The following CREB5 variants were observed in gnomAD, a reference collection of about 807,000 sequenced individuals.
CREB5 encodes the protein cyclic AMP-responsive element-binding protein 5.
A neutral mutation model predicts 57.1 loss-of-function variants in CREB5; 19 were observed. The ratio of observed to expected loss-of-function variants is 0.33; its 90% CI spans 0.23 to 0.49. The LOEUF (loss-of-function observed/expected upper bound fraction) is 0.49, where lower values mean the gene tolerates loss of function less well. Ranked by LOEUF, CREB5 falls within the 20% of genes least tolerant of loss-of-function variation. The probability of loss-of-function intolerance (pLI) is 0.99; values close to 1 mark genes in which losing one functional copy is unlikely to be tolerated. For missense variants in CREB5, 579 were observed against 671.6 expected (o/e 0.86, Z 1.52); for synonymous variants, 238 against 238.3 (o/e 1.00, Z 0.01).
chr7:28,802,078 G>GGAAAAA (rs1554301239), intron 7 of CREB5, among the ~76,000 whole-genome samples: 9 of 26,650 alleles, frequency 3.4e-4, no homozygotes, highest in South Asian at 3.0e-3. Context: ...GACTCCATCT[G>GGAAAAA]AAAAAAAAAA....
intron 5 of CREB5, among the ~76,000 whole-genome samples, chr7:28,682,689 G>GC (rs909914313): frequency 4.0e-5 from 6 of 148,694 alleles, no homozygotes; most frequent in African/African-American, 1.5e-4. Flanking sequence ...AAGTGGGGGG[G>GC]GGGGGAAACC....
chr7:28,582,224 T>C (rs1423806134), intron 5 of CREB5, among the ~76,000 whole-genome samples: 1 of 151,514 alleles, frequency 6.6e-6, no homozygotes, highest in Non-Finnish European at 1.5e-5. Flanking sequence ...TAAAATTTCA[T>C]GGGAGTATAG....
At chr7:28,443,796 A>C (rs539315341) in intron 1 of CREB5, among the ~76,000 whole-genome samples, 1 of 152,120 alleles carries the variant, frequency 6.6e-6, no homozygotes, top group Non-Finnish European at 1.5e-5. Flanking sequence ...TTCACTTACG[A>C]TGATGATGAC....
chr7:28,501,836 A>G (rs1426158289), intron 3 of CREB5, among the ~76,000 whole-genome samples: 1 of 152,152 alleles, frequency 6.6e-6, no homozygotes, highest in African/African-American at 2.4e-5. Flanking sequence ...TTACTTTAAA[A>G]CTATGTCTTT....
intron 5 of CREB5, among the ~76,000 whole-genome samples, chr7:28,713,598 G>A (rs2128744288): frequency 6.6e-6 from 1 of 152,354 alleles, no homozygotes; most frequent in African/African-American, 2.4e-5. Context: ...TGTGCCAGAT[G>A]CTGGGTTAAG....
chr7:28,708,939 A>G (rs183032536), intron 5 of CREB5, among the ~76,000 whole-genome samples: 1 of 152,346 alleles, frequency 6.6e-6, no homozygotes, highest in Admixed American at 6.5e-5. Flanking sequence ...GTAAATGACA[A>G]GACTCATAAT....
chr7:28,613,454 A>G lies in CREB5; in HGVS notation c.464+42917A>G, dbSNP rs144005124. Among the ~76,000 whole-genome samples, 48 of 152,324 alleles carry G rather than the reference A, an allele frequency of 3.2e-4. No individual in the cohort carries two copies. The East Asian group carries it at 8.9e-3, about 28-fold the overall frequency. On this transcript the variant is annotated intron_variant, in intron 5 of 10. Transcript: ENST00000357727. ...CTTGAGCCTATCCTCTTTACGACTT[A>G]TGACTCATAGGTGTCAAATCATCAA...
chr7:28,612,771 T>G (rs1302828944), intron 5 of CREB5, among the ~76,000 whole-genome samples: 1 of 152,156 alleles, frequency 6.6e-6, no homozygotes. Flanking sequence ...TGTCAGAAAT[T>G]ACCTGTCAGT....
At chr7:28,475,944 C>T (rs918741590) in intron 1 of CREB5, among the ~76,000 whole-genome samples, 3 of 152,174 alleles carry the variant, frequency 2.0e-5, no homozygotes, top group Non-Finnish European at 4.4e-5. Context: ...CCAAACTTCA[C>T]CCCAGAGTCA....
intron 7 of CREB5, among the ~76,000 whole-genome samples, chr7:28,767,837 A>C (rs557368564): frequency 6.6e-6 from 1 of 152,354 alleles, no homozygotes; most frequent in South Asian, 2.1e-4. Context: ...AGTAGTTTCT[A>C]AACATCGGTC....
At chr7:28,319,902 T>G (rs2127983788) in intron 1 of CREB5, among the ~76,000 whole-genome samples, 1 of 104,360 alleles carries the variant, frequency 9.6e-6, no homozygotes, top group Admixed American at 9.9e-5. Flanking sequence ...ACAAATAGTG[T>G]TTTTTTTTCT....
At chr7:28,729,866 G>C (rs1383503744) in intron 7 of CREB5, among the ~76,000 whole-genome samples, 3 of 152,216 alleles carry the variant, frequency 2.0e-5, no homozygotes, top group Admixed American at 6.5e-5. Flanking sequence ...AAAACATGAT[G>C]ATGATGGGCT....
At chr7:28,382,517 T>C (rs1426775261) in intron 1 of CREB5, among the ~76,000 whole-genome samples, 1 of 152,142 alleles carries the variant, frequency 6.6e-6, no homozygotes, top group African/African-American at 2.4e-5. Flanking sequence ...ATCCTGCATT[T>C]TTTTCCGTGA....
chr7:28,368,914 T>G (rs1334434628), intron 1 of CREB5, among the ~76,000 whole-genome samples: 2 of 152,098 alleles, frequency 1.3e-5, no homozygotes, highest in African/African-American at 2.4e-5. Context: ...GGCATGGTAG[T>G]GCACACCTGT....
chr7:28,315,339 A>AT (rs1175912431), intron 1 of CREB5, among the ~76,000 whole-genome samples: 1 of 152,170 alleles, frequency 6.6e-6, no homozygotes, highest in East Asian at 1.9e-4. Context: ...TGACAATTTT[A>AT]TTTTTTCGGA....
intron 1 of CREB5, 124 bp from the exon 2 acceptor site, chr7:28,488,051 T>G: frequency 1.3e-6 from 1 of 761,294 alleles, no homozygotes; most frequent in Non-Finnish European, 2.2e-6. Flanking sequence ...GTTCTGCTCA[T>G]CTAATTTTGG....
At chr7:28,608,113 T>TCTCACA (rs1484747649) in intron 5 of CREB5, among the ~76,000 whole-genome samples, 1 of 143,070 alleles carries the variant, frequency 7.0e-6, no homozygotes, top group South Asian at 2.3e-4. Context: ...TCTCTCTCTC[T>TCTCACA]CACACACACT....
intron 5 of CREB5, among the ~76,000 whole-genome samples, chr7:28,689,586 A>G (rs1398164769): frequency 6.6e-6 from 1 of 152,198 alleles, no homozygotes; most frequent in Non-Finnish European, 1.5e-5. Flanking sequence ...GGACACTGTT[A>G]CAATCCATTG....
chr7:28,446,338 AAAATAC>A (rs1200910398), intron 1 of CREB5, among the ~76,000 whole-genome samples: 2 of 152,182 alleles, frequency 1.3e-5, no homozygotes, highest in Non-Finnish European at 2.9e-5. Context: ...GACACCAGTG[AAAATAC>A]AAACCAAATG....
Sources: gnomAD v4.1 joint callset for allele counts (sites outside exome capture counted in the v4.1 genomes callset) on GRCh38, gnomAD v4.1.1 for gene constraint, MANE v1.5 for transcripts, NCBI Gene and HGNC (gene_info 2026-07-23, HGNC 2026-07-21) for gene names.